The following TRAPPC9 variants were observed in gnomAD, a reference collection of about 807,000 sequenced individuals.
The protein encoded by TRAPPC9 is IKK2 binding protein.
TRAPPC9 carries 83 observed loss-of-function variants against 124.0 expected under a neutral mutation model. That is an observed-to-expected ratio of 0.67 (90% CI 0.56 to 0.80). TRAPPC9 has a LOEUF of 0.80. TRAPPC9 is among the 30% of genes least tolerant of loss of function. TRAPPC9 has a pLI of 0.00. For synonymous variants in TRAPPC9, 638 were observed against 617.5 expected (o/e 1.03, Z -0.49); for missense variants, 1,302 against 1,508.3 (o/e 0.86, Z 2.27).
At chr8:139,884,500 G>C (rs1352545263) in intron 21 of TRAPPC9, among the ~76,000 whole-genome samples, 2 of 152,154 alleles carry the variant, frequency 1.3e-5, no homozygotes, top group Admixed American at 6.5e-5. Flanking sequence ...TTTGCCCCAT[G>C]AAAGTCCTGC....
At chr8:140,106,162 G>A (rs1000150028) in intron 17 of TRAPPC9, among the ~76,000 whole-genome samples, 2 of 152,134 alleles carry the variant, frequency 1.3e-5, no homozygotes, top group South Asian at 2.1e-4. Context: ...TTGCCAGGAC[G>A]AAAGCCTCTC....
At position 140,009,417 on chromosome 8, in the gene TRAPPC9, T is replaced by C. The variant is rs575475554; in HGVS notation, c.2699+14520A>G. The stretch of plus-strand genomic sequence containing the variant: ...TTTAAATGATCTAAATAAAAAATAG[T>C]GAAAAATATTTTACATTTATTTATA... On this transcript the variant is annotated intron_variant, in intron 18 of 22. Coordinates refer to ENST00000438773, the MANE Select transcript of TRAPPC9 (RefSeq NM_001160372.4). 8.5e-5 allele frequency among the ~76,000 whole-genome samples: 13 copies of C among 152,316 alleles called. No homozygotes were observed. The South Asian group carries it at 2.7e-3, about 32-fold the overall frequency.
intron 19 of TRAPPC9, among the ~76,000 whole-genome samples, chr8:139,951,316 T>C (rs991631958): frequency 1.3e-5 from 2 of 152,214 alleles, no homozygotes; most frequent in Admixed American, 6.5e-5. Context: ...TACTCATTTT[T>C]TTCTGTCGCC....
At position 140,309,523 on chromosome 8, in the gene TRAPPC9, T is replaced by G. The variant is rs1241117673; in HGVS notation, c.1622+1725A>C. Among the ~76,000 whole-genome samples the G allele has an allele frequency of 3.3e-5, 5 of 150,460 alleles. No homozygotes were observed. In the East Asian group the frequency reaches 9.9e-4, roughly 30 times the overall value. On this transcript the variant is annotated intron_variant, in intron 10 of 22. Transcript: ENST00000438773. ...AGCTTCAGGGACAAGAAGCCTCAGC[T>G]CCTGGATATCTACACACAGCACCAA... is the stretch of plus-strand genomic sequence containing the variant.
At chr8:140,445,754 G>C (rs1184101079) in intron 2 of TRAPPC9, among the ~76,000 whole-genome samples, 1 of 152,198 alleles carries the variant, frequency 6.6e-6, no homozygotes. Context: ...TCTCAACTGG[G>C]ACAAAGCAAA....
chr8:140,346,140 A>C (rs2067342172), intron 9 of TRAPPC9, among the ~76,000 whole-genome samples: 2 of 152,188 alleles, frequency 1.3e-5, no homozygotes, highest in South Asian at 4.1e-4. Context: ...ACCAAATAGA[A>C]ACCGAGCCTT....
At chr8:140,244,559 A>G (rs998501415) in intron 16 of TRAPPC9, among the ~76,000 whole-genome samples, 1 of 152,214 alleles carries the variant, frequency 6.6e-6, no homozygotes, top group Admixed American at 6.5e-5. Context: ...GGCAACCCAA[A>G]GGCAGTTTTC....
rs555301981 is a variant in TRAPPC9, at chr8:139,907,872, G to A, written c.2964+2275C>T. Among the ~76,000 whole-genome samples the A allele has an allele frequency of 6.6e-6, 1 of 152,362 alleles. No homozygotes were observed. Among genetic ancestry groups the A allele is most frequent in the South Asian group, 2.1e-4 (1 of 4,828 alleles). On this transcript the variant is annotated intron_variant, in intron 20 of 22. Transcript: ENST00000438773. The surrounding 1 kb of genome is among the most constrained non-coding windows in gnomAD (Gnocchi z 4.7). Reference sequence around the variant, plus strand: ...AGGCAGCATGTGCTGGGCGGGGACTGCAGGCTGGCAGACAAGCTACGGGGT... The same window carrying A: ...AGGCAGCATGTGCTGGGCGGGGACTACAGGCTGGCAGACAAGCTACGGGGT...
chr8:140,283,026 C>T (rs2065371627), intron 14 of TRAPPC9, among the ~76,000 whole-genome samples: 3 of 151,758 alleles, frequency 2.0e-5, no homozygotes, highest in Admixed American at 2.0e-4. Flanking sequence ...TTGTTTGAAC[C>T]CAGGAGTTCA....
chr8:139,978,243 C>T (rs2665954), intron 19 of TRAPPC9, among the ~76,000 whole-genome samples: 119,694 of 151,698 alleles, frequency 0.79, 47,758 homozygotes, highest in Middle Eastern at 0.92. Flanking sequence ...ACCTTTTTAA[C>T]GAAATGCAAA....
intron 12 of TRAPPC9, among the ~76,000 whole-genome samples, chr8:140,289,993 G>A (rs2065602007): frequency 6.6e-6 from 1 of 152,150 alleles, no homozygotes; most frequent in Non-Finnish European, 1.5e-5. Flanking sequence ...CTGGCAAACT[G>A]CAACTCAGCC....
intron 18 of TRAPPC9, among the ~76,000 whole-genome samples, chr8:139,994,575 T>C (rs903413135): frequency 2.0e-5 from 3 of 152,180 alleles, no homozygotes; most frequent in Non-Finnish European, 2.9e-5. Flanking sequence ...GCCACGGCAA[T>C]AGCTAGTCTA....
In TRAPPC9 at chr8:140,255,754, C is replaced by T. The variant is rs994779596; in HGVS notation, c.2279-2825G>A. ...TACAAAAATTAGCTGGGCATGGTGG[C>T]GCACACCTGTAGTCCTGGCTATTCA... is the stretch of plus-strand genomic sequence containing the variant. On this transcript the variant is annotated intron_variant, in intron 15 of 22. Coordinates refer to ENST00000438773, the MANE Select transcript of TRAPPC9 (RefSeq NM_001160372.4). Among the ~76,000 whole-genome samples, 6 of 152,158 alleles carry T rather than the reference C, an allele frequency of 3.9e-5. No homozygotes were observed. In the South Asian group the frequency reaches 8.3e-4, roughly 21 times the overall value.
At chr8:140,168,271 T>C (rs1357984009) in intron 17 of TRAPPC9, among the ~76,000 whole-genome samples, 1 of 152,214 alleles carries the variant, frequency 6.6e-6, no homozygotes. Context: ...ATTGGCATAA[T>C]GTAAGATTAA....
At chr8:140,100,735 G>A (rs1423037123) in intron 17 of TRAPPC9, among the ~76,000 whole-genome samples, 1 of 152,212 alleles carries the variant, frequency 6.6e-6, no homozygotes, top group Non-Finnish European at 1.5e-5. Flanking sequence ...GTGCGTCTGC[G>A]AGCTGTGAAG....
chr8:140,327,911 C>T (rs933561043), intron 9 of TRAPPC9, among the ~76,000 whole-genome samples: 2 of 152,150 alleles, frequency 1.3e-5, no homozygotes, highest in Non-Finnish European at 2.9e-5. Context: ...TAAAAGGGTA[C>T]ATTTTGTGTT....
At chr8:140,029,368 A>G (rs113468970) in intron 17 of TRAPPC9, among the ~76,000 whole-genome samples, 3,041 of 152,286 alleles carry the variant, frequency 0.02, 90 homozygotes, top group African/African-American at 0.069. Context: ...AGCTGAGCTT[A>G]GTGGCGCAGG....
upstream of TRAPPC9, chr8:140,457,835 G>T: frequency 9.2e-7 from 1 of 1,081,774 alleles, no homozygotes; most frequent in Non-Finnish European, 1.1e-6. Context: ...CGCGAGGGAA[G>T]CAAGGGGGTA....
chr8:140,000,466 T>C (rs1385037153), intron 18 of TRAPPC9, among the ~76,000 whole-genome samples: 6 of 151,156 alleles, frequency 4.0e-5, no homozygotes, highest in East Asian at 1.9e-4. Context: ...TGGGAGAAAA[T>C]TTTTGCAATC....
Sources: allele counts gnomAD v4.1 joint callset (sites outside exome capture counted in the v4.1 genomes callset), GRCh38; gene constraint gnomAD v4.1.1; non-coding constraint Gnocchi (gnomAD v3.1); transcripts MANE v1.5; gene names NCBI Gene and HGNC (gene_info 2026-07-23, HGNC 2026-07-21).